The following SLA variants were observed in gnomAD, a reference collection of about 807,000 sequenced individuals.
SLA encodes the protein src-like-adapter.
Under a neutral mutation model 30.3 loss-of-function variants are expected in SLA, and 16 were observed. The ratio of observed to expected loss-of-function variants is 0.53; its 90% CI spans 0.36 to 0.80. The LOEUF is 0.80. Ranked by LOEUF, SLA falls within the 30% of genes least tolerant of loss-of-function variation. The pLI is 0.01. For synonymous variants in SLA, 143 were observed against 137.8 expected (o/e 1.04, Z -0.26); for missense variants, 310 against 345.2 (o/e 0.90, Z 0.81).
chr8:133,068,871 C>A (rs2741206), intron 2 of SLA, among the ~76,000 whole-genome samples: 37,732 of 152,280 alleles, frequency 0.25, 5,566 homozygotes, highest in East Asian at 0.55. Context: ...ACCCAGTCAG[C>A]CTGTGGCTCT....
intron 3 of SLA, among the ~76,000 whole-genome samples, chr8:133,051,525 C>T (rs568194408): frequency 4.6e-4 from 70 of 152,208 alleles, no homozygotes; most frequent in African/African-American, 1.5e-3. Flanking sequence ...TAAGGCCCCA[C>T]GCTGGGCATC....
intron 2 of SLA, among the ~76,000 whole-genome samples, chr8:133,064,569 G>A (rs192806022): frequency 2.6e-5 from 4 of 152,332 alleles, no homozygotes; most frequent in Admixed American, 2.6e-4. Flanking sequence ...CCATGCTGCT[G>A]TCTCTCCAGC....
intron 1 of SLA, among the ~76,000 whole-genome samples, chr8:133,078,230 G>T (rs1845199625): frequency 6.6e-6 from 1 of 152,172 alleles, no homozygotes; most frequent in South Asian, 2.1e-4. Flanking sequence ...TGGGAATTAG[G>T]GCTTGGAAGC....
At chr8:133,041,070 A>C (rs575047774) in intron 7 of SLA, among the ~76,000 whole-genome samples, 1 of 152,192 alleles carries the variant, frequency 6.6e-6, no homozygotes, top group African/African-American at 2.4e-5. Context: ...GTACTCAGCC[A>C]TCTTAGAGAT....
intron 8 of SLA, among the ~76,000 whole-genome samples, chr8:133,039,366 A>G (rs1293592553): frequency 6.6e-6 from 1 of 152,138 alleles, no homozygotes; most frequent in African/African-American, 2.4e-5. Flanking sequence ...TTTTAGTAAA[A>G]ATTAATTTTT....
intron 2 of SLA, among the ~76,000 whole-genome samples, chr8:133,061,570 G>A (rs72729520): frequency 0.041 from 6,283 of 152,304 alleles, 185 homozygotes; most frequent in Non-Finnish European, 0.062. Flanking sequence ...CTGGATGGTG[G>A]AAGCACAGAG....
At chr8:133,066,084 G>A (rs1842992271) in intron 2 of SLA, among the ~76,000 whole-genome samples, 1 of 152,130 alleles carries the variant, frequency 6.6e-6, no homozygotes, top group Non-Finnish European at 1.5e-5. Flanking sequence ...TGTTACTTAG[G>A]AGGCTGAGGC....
intron 2 of SLA, among the ~76,000 whole-genome samples, chr8:133,061,831 C>T (rs905974483): frequency 6.6e-6 from 1 of 152,114 alleles, no homozygotes; most frequent in Non-Finnish European, 1.5e-5. Context: ...CAGAGCAAGG[C>T]CCTCCCCGGG....
At chr8:133,058,616 A>G (rs1428450699) in intron 3 of SLA, among the ~76,000 whole-genome samples, 1 of 152,130 alleles carries the variant, frequency 6.6e-6, no homozygotes, top group African/African-American at 2.4e-5. Flanking sequence ...AGCAGTGGTT[A>G]TGACCAGAGG....
chr8:133,095,917 C>A (rs1217798806), intron 1 of SLA, among the ~76,000 whole-genome samples: 1 of 152,216 alleles, frequency 6.6e-6, no homozygotes, highest in Non-Finnish European at 1.5e-5. Flanking sequence ...CTCCTCCTGC[C>A]TTCCTCACCC....
At chr8:133,073,865 T>C (rs1232382221) in intron 2 of SLA, among the ~76,000 whole-genome samples, 1 of 152,128 alleles carries the variant, frequency 6.6e-6, no homozygotes, top group African/African-American at 2.4e-5. Context: ...CTGAGCCTCA[T>C]TTCCTCAGTT....
intron 3 of SLA, among the ~76,000 whole-genome samples, chr8:133,057,931 T>G (rs1393864077): frequency 1.3e-5 from 2 of 152,142 alleles, no homozygotes; most frequent in East Asian, 1.9e-4. Context: ...ACGGCCAGGG[T>G]CTGTGGAGGG....
intron 5 of SLA, 75 bp from the exon 6 acceptor site, chr8:133,048,008 C>G (rs541465046): frequency 9.8e-6 from 8 of 813,724 alleles, no homozygotes; most frequent in Non-Finnish European, 1.6e-5. Flanking sequence ...CGCCACCCAC[C>G]GTACTAAGCA....
chr8:133,038,534 A>G lies in SLA; in HGVS notation c.821T>C (p.Phe274Ser). The G allele has an allele frequency of 6.2e-7, 1 of 1,611,574 alleles. No individual in the cohort carries two copies. The highest frequency in any genetic ancestry group is 1.1e-5 in the South Asian group (1 of 91,044). ...KSSFFSSPPY[F>S]ED ...TGTGTCTGTTCTTGGCTAGTCCTCA[A>G]AGTAAGGTGGTGATGAGAAGAATGA... Residue 274 changes from phenylalanine (F) to serine (S), a missense_variant, in exon 9 of 9, where the codon TTT becomes TCT. Physicochemically the swap from Phe to Ser is radical, Grantham distance 155 (BLOSUM62 -2). Transcript: ENST00000338087.
intron 2 of SLA, among the ~76,000 whole-genome samples, chr8:133,062,817 C>T (rs973337624): frequency 1.3e-5 from 2 of 152,148 alleles, no homozygotes; most frequent in African/African-American, 4.8e-5. Flanking sequence ...GCACAGGCCT[C>T]AGGAAGCACA....
At chr8:133,052,458 G>A (rs1056315484) in intron 3 of SLA, among the ~76,000 whole-genome samples, 1 of 152,186 alleles carries the variant, frequency 6.6e-6, no homozygotes, top group Non-Finnish European at 1.5e-5. Flanking sequence ...AAACAGTCGT[G>A]TCGGGACGTA....
At chr8:133,042,679 T>C (rs200827510) in intron 7 of SLA, among the ~76,000 whole-genome samples, 618 of 26,528 alleles carry the variant, frequency 0.023, 6 homozygotes, top group East Asian at 0.11. Context: ...ATTCTGTGTC[T>C]TTTTTTTTTT....
chr8:133,087,022 AAGAT>A (rs1175363424), intron 1 of SLA, among the ~76,000 whole-genome samples: 1 of 151,830 alleles, frequency 6.6e-6, no homozygotes, highest in East Asian at 1.9e-4. Flanking sequence ...TTAGGTGAAA[AAGAT>A]AGGCTCAAAA....
intron 2 of SLA, among the ~76,000 whole-genome samples, chr8:133,068,997 G>C (rs574534197): frequency 4.1e-4 from 62 of 152,240 alleles, no homozygotes; most frequent in Non-Finnish European, 7.1e-4. Flanking sequence ...CATTGGCAAT[G>C]AAGAAAGAGT....
Sources: allele counts gnomAD v4.1 joint callset (sites outside exome capture counted in the v4.1 genomes callset), GRCh38; gene constraint gnomAD v4.1.1; transcripts MANE v1.5; gene names NCBI Gene and HGNC (gene_info 2026-07-23, HGNC 2026-07-21).